CCDC178: variants seen among roughly 807,000 people sequenced by gnomAD.
CCDC178 encodes the protein coiled-coil domain containing 178.
Under a neutral mutation model 117.4 loss-of-function variants are expected in CCDC178, and 126 were observed. That is an observed-to-expected ratio of 1.07 (90% CI 0.93 to 1.24). The LOEUF (loss-of-function observed/expected upper bound fraction) is 1.24, where lower values mean the gene tolerates loss of function less well. Among genes scored for constraint, CCDC178 ranks in the 50% most tolerant of loss-of-function variants. The pLI is 0.00. For missense variants in CCDC178, 1,030 were observed against 986.9 expected, an observed-to-expected ratio of 1.04 and a Z score of -0.59; for synonymous variants, 283 against 313.4, an observed-to-expected ratio of 0.90 and a Z score of 1.02.
chr18:33,172,133 G>A lies in CCDC178; in HGVS notation c.2238+39763C>T, dbSNP rs566406522. Among the ~76,000 whole-genome samples, 13 of 152,162 alleles carry A rather than the reference G, an allele frequency of 8.5e-5. No homozygotes were observed. The East Asian group carries it at 1.9e-3, about 23-fold the overall frequency. On this transcript the variant is annotated intron_variant, in intron 20 of 22. Transcript: ENST00000383096. ...CCATGTTGATCAGGCTGGTCTCGAC[G>A]ATCCACCTGCCTCGGCCTCCCAAAA...
intron 6 of CCDC178, among the ~76,000 whole-genome samples, chr18:33,361,004 T>C (rs2063117801): frequency 6.6e-6 from 1 of 151,322 alleles, no homozygotes; most frequent in African/African-American, 2.4e-5. Context: ...AAAATTAATA[T>C]AGAGCCATAA....
At chr18:33,141,342 T>G (rs2058201925) in intron 20 of CCDC178, among the ~76,000 whole-genome samples, 1 of 152,130 alleles carries the variant, frequency 6.6e-6, no homozygotes, top group Admixed American at 6.5e-5. Flanking sequence ...GCCACCAAGA[T>G]GCCAATGGAC....
chr18:33,420,108 C>A (rs752987357), intron 2 of CCDC178, among the ~76,000 whole-genome samples: 6 of 152,078 alleles, frequency 3.9e-5, no homozygotes, highest in Non-Finnish European at 8.8e-5. Context: ...GAATAGTACA[C>A]AGCCATAAAA....
rs577489058 is a variant in CCDC178 at position 33,221,122 on chromosome 18, C to T, written c.1932+1984G>A. Among the ~76,000 whole-genome samples the T allele has an allele frequency of 3.0e-4, 46 of 152,124 alleles. 1 individual carries two copies. In the South Asian group the frequency reaches 8.1e-3, roughly 27 times the overall value. ...AGTCTACTCCCTGTCCACAGCCTCG[C>T]GCACTCTCAGTCATCTTCCTCAGAG... On this transcript the variant is annotated intron_variant, in intron 18 of 22. Transcript: ENST00000383096.
intron 2 of CCDC178, among the ~76,000 whole-genome samples, chr18:33,428,096 T>G (rs965943479): frequency 6.6e-6 from 1 of 152,234 alleles, no homozygotes; most frequent in African/African-American, 2.4e-5. Flanking sequence ...TGTTTTATTA[T>G]GACATAGCTT....
At chr18:33,087,015 A>AC (rs2057390119) in intron 21 of CCDC178, among the ~76,000 whole-genome samples, 46 of 139,274 alleles carry the variant, frequency 3.3e-4, no homozygotes, top group African/African-American at 1.2e-3. Context: ...CACACACACA[A>AC]CAAAATAGCC....
intron 18 of CCDC178, among the ~76,000 whole-genome samples, chr18:33,221,301 C>T (rs1002946038): frequency 6.6e-6 from 1 of 152,056 alleles, no homozygotes; most frequent in Non-Finnish European, 1.5e-5. Context: ...CTCTAACAGT[C>T]GAGTTTGGGC....
At chr18:33,223,358 A>T in intron 17 of CCDC178, 139 bp from the exon 18 acceptor site, 1 of 1,003,612 alleles carries the variant, frequency 1.0e-6, no homozygotes, top group Non-Finnish European at 1.3e-6. Context: ...ATCACACATA[A>T]ATTACAGAAA....
chr18:33,345,344 C>T (rs565182782), intron 9 of CCDC178, among the ~76,000 whole-genome samples: 1 of 152,060 alleles, frequency 6.6e-6, no homozygotes, highest in Non-Finnish European at 1.5e-5. Context: ...AATCCAATAC[C>T]TTTAGATTCT....
At chr18:33,192,628 C>T (rs1030364446) in intron 20 of CCDC178, among the ~76,000 whole-genome samples, 2 of 152,142 alleles carry the variant, frequency 1.3e-5, no homozygotes, top group Non-Finnish European at 2.9e-5. Flanking sequence ...GGGCCCTGCG[C>T]GGTGGCTCAC....
intron 12 of CCDC178, among the ~76,000 whole-genome samples, chr18:33,291,830 C>T (rs965850520): frequency 6.6e-5 from 10 of 152,192 alleles, no homozygotes; most frequent in Admixed American, 3.3e-4. Context: ...ACAAAGGCTT[C>T]AGTTCTCAAA....
chr18:32,963,144 G>A (rs1369273057), intron 22 of CCDC178, among the ~76,000 whole-genome samples: 1 of 152,018 alleles, frequency 6.6e-6, no homozygotes, highest in African/African-American at 2.4e-5. Flanking sequence ...ATGTCCTGAG[G>A]ATGAGCATGG....
chr18:33,418,924 A>G (rs1019358954), intron 2 of CCDC178, among the ~76,000 whole-genome samples: 1 of 152,216 alleles, frequency 6.6e-6, no homozygotes, highest in African/African-American at 2.4e-5. Flanking sequence ...AGCAATTTAC[A>G]GATTCATTGC....
chr18:33,082,466 A>T (rs946912533), intron 21 of CCDC178, among the ~76,000 whole-genome samples: 1 of 152,178 alleles, frequency 6.6e-6, no homozygotes, highest in East Asian at 1.9e-4. Context: ...TGAGACCCCC[A>T]TATCAAAAAG....
At chr18:33,008,357 G>T (rs1453806227) in intron 21 of CCDC178, among the ~76,000 whole-genome samples, 1 of 152,038 alleles carries the variant, frequency 6.6e-6, no homozygotes, top group Non-Finnish European at 1.5e-5. Flanking sequence ...CTTTGTCTGT[G>T]TCAGTGTAGT....
intron 11 of CCDC178, among the ~76,000 whole-genome samples, chr18:33,302,014 TG>T (rs1390388353): frequency 1.3e-5 from 2 of 152,196 alleles, no homozygotes; most frequent in Non-Finnish European, 2.9e-5. Context: ...TGGGACATGC[TG>T]GGAGGTGTTT....
intron 14 of CCDC178, among the ~76,000 whole-genome samples, chr18:33,257,044 T>C (rs564957665): frequency 1.3e-5 from 2 of 152,244 alleles, no homozygotes; most frequent in African/African-American, 2.4e-5. Flanking sequence ...CTTCAATTCA[T>C]GTTGGAATTT....
intron 20 of CCDC178, among the ~76,000 whole-genome samples, chr18:33,202,373 C>T (rs1020937795): frequency 1.1e-4 from 11 of 99,880 alleles, no homozygotes; most frequent in African/African-American, 3.9e-4. Flanking sequence ...AGCCTGGCAA[C>T]AGAGCAAGAC....
intron 21 of CCDC178, among the ~76,000 whole-genome samples, chr18:32,986,651 G>T (rs1210966017): frequency 6.6e-6 from 1 of 152,056 alleles, no homozygotes; most frequent in East Asian, 1.9e-4. Flanking sequence ...ATGATTTCAT[G>T]GAGAGGCTCT....
Sources: gnomAD v4.1 joint callset for allele counts (sites outside exome capture counted in the v4.1 genomes callset) on GRCh38, gnomAD v4.1.1 for gene constraint, MANE v1.5 for transcripts, NCBI Gene and HGNC (gene_info 2026-07-23, HGNC 2026-07-21) for gene names.